The following ASXL3 variants were observed in gnomAD, a reference collection of about 807,000 sequenced individuals.
ASXL3 encodes the protein ASXL transcriptional regulator 3, also known as putative Polycomb group protein ASXL3.
A neutral mutation model predicts 170.6 loss-of-function variants in ASXL3; 34 were observed. The ratio of observed to expected loss-of-function variants is 0.20; its 90% CI spans 0.15 to 0.27. The LOEUF is 0.27. ASXL3 is among the 10% of genes least tolerant of loss of function. The pLI is 1.00. For missense variants in ASXL3, 2,592 were observed against 2,695.3 expected (o/e 0.96, Z 0.85); for synonymous variants, 1,002 against 989.1 (o/e 1.01, Z -0.24).
At chr18:33,644,843 A>G (rs992038763) in intron 2 of ASXL3, 51 bp from the exon 3 acceptor site, 4 of 1,181,600 alleles carry the variant, frequency 3.4e-6, no homozygotes, top group Admixed American at 2.6e-5. Context: ...CAGTTTTGCA[A>G]TAGAAGCTGT....
rs773723440 is a variant in ASXL3 at position 33,661,698 on chromosome 18, G to A, written c.438G>A (p.Val146=). ...LTNTAVQSKL[V]SSFQQHTKKA... ...ACACAGCAGTGCAAAGCAAGTTAGT[G>A]TCTTCCTTCCAGCAGCACACCAAAA... The change falls in exon 5 of 12, where the codon GTG becomes GTA. Residue 146 remains valine, a synonymous_variant. Transcript: ENST00000269197. 1 of 1,612,884 alleles carries A rather than the reference G, an allele frequency of 6.2e-7. No individual in the cohort carries two copies. The highest frequency in any genetic ancestry group is 8.5e-7 in the Non-Finnish European group (1 of 1,179,410).
chr18:33,649,818 T>C (rs993087943), intron 4 of ASXL3, among the ~76,000 whole-genome samples: 1 of 151,912 alleles, frequency 6.6e-6, no homozygotes, highest in Non-Finnish European at 1.5e-5. Flanking sequence ...AGGAAATGAG[T>C]TGGAAGTGTA....
At chr18:33,679,373 C>T (rs549098347) in intron 7 of ASXL3, among the ~76,000 whole-genome samples, 1 of 151,858 alleles carries the variant, frequency 6.6e-6, no homozygotes, top group African/African-American at 2.4e-5. Context: ...TACCCAACAT[C>T]TCAACTCAAC....
intron 1 of ASXL3, among the ~76,000 whole-genome samples, chr18:33,590,804 T>C (rs2065070841): frequency 6.6e-6 from 1 of 152,178 alleles, no homozygotes; most frequent in African/African-American, 2.4e-5. Context: ...GACTAGTTTC[T>C]TTATGGTTAT....
At chr18:33,734,198 C>A in intron 9 of ASXL3, 112 bp from the exon 10 acceptor site, 1 of 599,088 alleles carries the variant, frequency 1.7e-6, no homozygotes, top group South Asian at 3.1e-5. Flanking sequence ...ATTATTTGTC[C>A]TTGTACTTTT....
intron 8 of ASXL3, among the ~76,000 whole-genome samples, chr18:33,701,702 G>T (rs367859881): frequency 4.6e-5 from 7 of 151,644 alleles, no homozygotes; most frequent in Non-Finnish European, 1.0e-4. Flanking sequence ...AATGTGTCTG[G>T]GTATGAATCA....
intron 1 of ASXL3, among the ~76,000 whole-genome samples, chr18:33,588,282 A>G (rs2145094606): frequency 6.6e-6 from 1 of 152,012 alleles, no homozygotes; most frequent in South Asian, 2.1e-4. Flanking sequence ...TGCTGAATGT[A>G]TTGGTTTTAT....
intron 7 of ASXL3, among the ~76,000 whole-genome samples, chr18:33,680,713 C>G (rs2066500864): frequency 6.6e-6 from 1 of 151,892 alleles, no homozygotes; most frequent in South Asian, 2.1e-4. Flanking sequence ...TTTCTCATCC[C>G]TAATAATATA....
At position 33,713,229 on chromosome 18, in the gene ASXL3, G is replaced by GTTTTTTTTTTTTTTTTTTT. The variant is rs1478922106; in HGVS notation, c.880-18731_880-18730insTTTTTTTTTTTTTTTTTTT. Among the ~76,000 whole-genome samples the GTTTTTTTTTTTTTTTTTTT allele has an allele frequency of 1.2e-4, 10 of 81,756 alleles. 2 individuals carry two copies. The highest frequency in any genetic ancestry group is 1.7e-4 in the Non-Finnish European group (8 of 47,400). 53.6% of individuals were successfully genotyped at this position (81,756 alleles called of 152,430 possible). A position where few individuals can be genotyped will look rare whatever the true frequency, so the allele number is the denominator to read the frequency against. On this transcript the variant is annotated intron_variant, in intron 8 of 11. Transcript: ENST00000269197. ...GCAGTTAGCAATCTACCACAAGAAGGTTTTTTTTGTTTTGTTTTGTTTTTT... is the reference window on the plus strand; with the variant it reads ...GCAGTTAGCAATCTACCACAAGAAGGTTTTTTTTTTTTTTTTTTTTTTTTTTTGTTTTGTTTTGTTTTTT...
At chr18:33,672,870 T>G (rs569216857) in intron 7 of ASXL3, among the ~76,000 whole-genome samples, 1 of 152,198 alleles carries the variant, frequency 6.6e-6, no homozygotes, top group Admixed American at 6.5e-5. Context: ...AAAAAGACTT[T>G]AAATAGGATT....
At chr18:33,695,085 A>G (rs2066750915) in intron 8 of ASXL3, among the ~76,000 whole-genome samples, 1 of 152,292 alleles carries the variant, frequency 6.6e-6, no homozygotes, top group South Asian at 2.1e-4. Flanking sequence ...AGATTGCTCT[A>G]TGTACTGAAT....
intron 2 of ASXL3, 40 bp from the exon 3 acceptor site, chr18:33,644,854 A>G (rs1270957170): frequency 7.6e-7 from 1 of 1,313,670 alleles, no homozygotes; most frequent in African/African-American, 1.5e-5. Context: ...TAGAAGCTGT[A>G]CCTCAGACTG....
chr18:33,699,325 T>A (rs1329557821), intron 8 of ASXL3, among the ~76,000 whole-genome samples: 4 of 152,038 alleles, frequency 2.6e-5, no homozygotes, highest in Non-Finnish European at 4.4e-5. Context: ...TCACACCAAA[T>A]ACACATCATC....
intron 1 of ASXL3, among the ~76,000 whole-genome samples, chr18:33,599,196 T>C (rs2065158635): frequency 1.3e-5 from 2 of 152,140 alleles, no homozygotes; most frequent in Admixed American, 6.6e-5. Flanking sequence ...CTCTAATTCA[T>C]GTCAAACTAA....
chr18:33,727,351 T>A lies in ASXL3; in HGVS notation c.880-4617T>A, dbSNP rs2067369200. On this transcript the variant is annotated intron_variant, in intron 8 of 11. Coordinates refer to ENST00000269197, the MANE Select transcript of ASXL3 (RefSeq NM_030632.3). ...AATGTAAATATATTATTGCACTGAATTAACATTCATTCTTCTTCAAACATT... is the reference window on the plus strand; with the variant it reads ...AATGTAAATATATTATTGCACTGAAATAACATTCATTCTTCTTCAAACATT... Among the ~76,000 whole-genome samples the A allele has an allele frequency of 2.6e-5, 4 of 152,310 alleles. No homozygotes were observed. In the East Asian group the frequency reaches 7.7e-4, roughly 29 times the overall value.
intron 1 of ASXL3, among the ~76,000 whole-genome samples, chr18:33,584,639 G>C (rs575885449): frequency 6.6e-6 from 1 of 152,110 alleles, no homozygotes; most frequent in South Asian, 2.1e-4. Context: ...AAAAAAATCA[G>C]TAAATTATAT....
chr18:33,601,148 A>G (rs950205628), intron 1 of ASXL3, among the ~76,000 whole-genome samples: 2 of 152,108 alleles, frequency 1.3e-5, no homozygotes, highest in Admixed American at 6.6e-5. Flanking sequence ...TCTGATTTGT[A>G]GTAACTAGTG....
At chr18:33,654,290 T>C (rs915388067) in intron 4 of ASXL3, among the ~76,000 whole-genome samples, 2 of 152,036 alleles carry the variant, frequency 1.3e-5, no homozygotes, top group African/African-American at 4.8e-5. Flanking sequence ...ATTCCCTCAA[T>C]TACACATCTT....
chr18:33,660,338 T>G (rs565343091), intron 4 of ASXL3, among the ~76,000 whole-genome samples: 48 of 152,276 alleles, frequency 3.2e-4, no homozygotes, highest in Non-Finnish European at 6.2e-4. Context: ...AACAAAAAAC[T>G]TGATTATTTT....
Sources: allele counts gnomAD v4.1 joint callset (sites outside exome capture counted in the v4.1 genomes callset), GRCh38; gene constraint gnomAD v4.1.1; transcripts MANE v1.5; gene names NCBI Gene and HGNC (gene_info 2026-07-23, HGNC 2026-07-21).